The following GRIK1 variants were observed in gnomAD, a reference collection of about 807,000 sequenced individuals.
The protein encoded by GRIK1 is glutamate ionotropic receptor kainate type subunit 1, also known as glutamate receptor ionotropic, kainate 1.
GRIK1 carries 69 observed loss-of-function variants against 105.7 expected under a neutral mutation model. That is an observed-to-expected ratio of 0.65 (90% CI 0.54 to 0.80). The LOEUF (loss-of-function observed/expected upper bound fraction) is 0.80. GRIK1 is among the 30% of genes least tolerant of loss of function. The pLI is 0.00. For synonymous variants in GRIK1, 438 were observed against 431.3 expected (o/e 1.02, Z -0.19); for missense variants, 1,109 against 1,167.3 (o/e 0.95, Z 0.73).
chr21:29,567,514 A>G (rs2090638777), intron 14 of GRIK1, among the ~76,000 whole-genome samples: 1 of 152,186 alleles, frequency 6.6e-6, no homozygotes, highest in Non-Finnish European at 1.5e-5. Context: ...ACACTGAAAT[A>G]TACATTAGAA....
intron 16 of GRIK1, among the ~76,000 whole-genome samples, chr21:29,554,374 A>C (rs1238627425): frequency 3.9e-5 from 6 of 152,212 alleles, no homozygotes; most frequent in Admixed American, 3.9e-4. Context: ...AAAAGAGTGT[A>C]AGTTGATTTC....
At chr21:29,670,897 G>C (rs2146636914) in intron 4 of GRIK1, among the ~76,000 whole-genome samples, 1 of 152,242 alleles carries the variant, frequency 6.6e-6, no homozygotes, top group South Asian at 2.1e-4. Flanking sequence ...TTGCTTTATT[G>C]AGAGGAAATT....
chr21:29,659,060 A>C (rs2062910238), intron 4 of GRIK1, among the ~76,000 whole-genome samples: 3 of 152,218 alleles, frequency 2.0e-5, no homozygotes, highest in Admixed American at 2.0e-4. Flanking sequence ...AGTCAGGAGC[A>C]CAGGGCATAC....
intron 4 of GRIK1, 55 bp from the exon 5 acceptor site, chr21:29,654,918 G>A: frequency 9.6e-7 from 1 of 1,045,616 alleles, no homozygotes; most frequent in Non-Finnish European, 1.5e-6. Context: ...ATAAGAATGG[G>A]ATAATTTCTA....
Position 29,717,773 on chromosome 21 carries a change from G to A in GRIK1, c.119-23710C>T, listed in dbSNP as rs117947803. 7.6e-3 allele frequency among the ~76,000 whole-genome samples: 1,151 copies of A among 152,294 alleles called. 12 individuals are homozygous for A. Among genetic ancestry groups the A allele is most frequent in the Middle Eastern group, 0.01 (3 of 294 alleles). On this transcript the variant is annotated intron_variant, in intron 1 of 17. Coordinates refer to ENST00000327783, the MANE Select transcript of GRIK1 (RefSeq NM_001330994.2). The stretch of plus-strand genomic sequence containing the variant: ...TGCCAGAATGAGCTAAGACTTTGGG[G>A]GACTGTTGGAAAGGCATGATCATGT...
intron 1 of GRIK1, among the ~76,000 whole-genome samples, chr21:29,911,513 T>C (rs1386307476): frequency 1.3e-5 from 2 of 152,000 alleles, no homozygotes; most frequent in Non-Finnish European, 2.9e-5. Context: ...ACCTATAAAG[T>C]TGATATCGTT....
At chr21:29,900,462 G>GAAAA (rs796090417) in intron 1 of GRIK1, among the ~76,000 whole-genome samples, 2 of 76,958 alleles carry the variant, frequency 2.6e-5, no homozygotes, top group Non-Finnish European at 6.1e-5. Context: ...TGGAAAGCAA[G>GAAAA]AAAAAAAAAA....
intron 1 of GRIK1, among the ~76,000 whole-genome samples, chr21:29,783,760 T>A (rs923347786): frequency 6.6e-6 from 1 of 152,218 alleles, no homozygotes; most frequent in African/African-American, 2.4e-5. Context: ...TTCCACACAT[T>A]TATTACTTAG....
chr21:29,690,040 G>GAAAA (rs1191896770), intron 2 of GRIK1, 55 bp from the exon 3 acceptor site: 3 of 1,357,752 alleles, frequency 2.2e-6, no homozygotes, highest in Non-Finnish European at 3.1e-6. Flanking sequence ...AAGGGGGAGA[G>GAAAA]AAAAAGAGAG....
chr21:29,631,098 G>C (rs1175030725), intron 7 of GRIK1, among the ~76,000 whole-genome samples: 1 of 152,104 alleles, frequency 6.6e-6, no homozygotes. Context: ...CTGAGCTACT[G>C]CACCTAGCCA....
intron 4 of GRIK1, among the ~76,000 whole-genome samples, chr21:29,672,492 G>C (rs1296484138): frequency 6.6e-6 from 1 of 152,006 alleles, no homozygotes; most frequent in Non-Finnish European, 1.5e-5. Flanking sequence ...TTATTGTCTA[G>C]AACAAATTAG....
intron 1 of GRIK1, among the ~76,000 whole-genome samples, chr21:29,777,319 A>G (rs1270456275): frequency 6.6e-6 from 1 of 152,180 alleles, no homozygotes; most frequent in Non-Finnish European, 1.5e-5. Flanking sequence ...TGGGTTAGGG[A>G]TAGGGCTCTA....
At chr21:29,654,775 AC>A in intron 5 of GRIK1, 34 bp downstream of exon 5, 1 of 1,221,660 alleles carries the variant, frequency 8.2e-7, no homozygotes. Flanking sequence ...GACGTTTCCT[AC>A]CATGTGGAAT....
At chr21:29,787,713 A>C (rs1326603973) in intron 1 of GRIK1, among the ~76,000 whole-genome samples, 1 of 152,236 alleles carries the variant, frequency 6.6e-6, no homozygotes, top group East Asian at 1.9e-4. Flanking sequence ...CTATAGACGC[A>C]CCACGATTCT....
intron 14 of GRIK1, among the ~76,000 whole-genome samples, chr21:29,571,123 G>A (rs1016329401): frequency 1.3e-5 from 2 of 152,024 alleles, no homozygotes; most frequent in Non-Finnish European, 2.9e-5. Flanking sequence ...AGGCTGAGGC[G>A]GGTGGATCAC....
chr21:29,842,207 G>A (rs2068002241), intron 1 of GRIK1, among the ~76,000 whole-genome samples: 1 of 152,016 alleles, frequency 6.6e-6, no homozygotes, highest in Non-Finnish European at 1.5e-5. Flanking sequence ...AAAAGATTAT[G>A]TATTTTTTTT....
intron 1 of GRIK1, among the ~76,000 whole-genome samples, chr21:29,836,099 C>A (rs545179770): frequency 4.6e-5 from 7 of 152,324 alleles, no homozygotes; most frequent in African/African-American, 1.7e-4. Context: ...ACATTCATTT[C>A]AGTCGGTCAG....
At position 29,594,185 on chromosome 21, in the gene GRIK1, A is replaced by ATG. The variant is rs35296703; in HGVS notation, c.1251+2339_1251+2340dup. Among the ~76,000 whole-genome samples the ATG allele has an allele frequency of 1.1e-3, 166 of 150,482 alleles. 1 individual carries two copies. Among genetic ancestry groups the ATG allele is most frequent in the Admixed American group, 2.8e-3 (43 of 15,122 alleles). On this transcript the variant is annotated intron_variant, in intron 9 of 17. Transcript: ENST00000327783. ...TGTAATCAGCAAAACAGAACTGTGT[A>ATG]TGTGTGTGTGTGTGTGTGTGTATGT...
At chr21:29,901,356 G>A (rs575015950) in intron 1 of GRIK1, among the ~76,000 whole-genome samples, 2 of 152,222 alleles carry the variant, frequency 1.3e-5, no homozygotes, top group South Asian at 2.1e-4. Flanking sequence ...AACCAATCCA[G>A]CAGCTGGTTT....
Sources: gnomAD v4.1 joint callset for allele counts (sites outside exome capture counted in the v4.1 genomes callset) on GRCh38, gnomAD v4.1.1 for gene constraint, MANE v1.5 for transcripts, NCBI Gene and HGNC (gene_info 2026-07-23, HGNC 2026-07-21) for gene names.